The following KIF6 variants were observed in gnomAD, a reference collection of about 807,000 sequenced individuals.
KIF6 encodes kinesin family member 6.
Under a neutral mutation model 112.7 loss-of-function variants are expected in KIF6, and 106 were observed. The observed-to-expected ratio is 0.94, with a 90% CI of 0.80 to 1.11. The LOEUF (loss-of-function observed/expected upper bound fraction) is 1.11. KIF6 is among the 50% of genes least tolerant of loss of function. KIF6 has a pLI of 0.00. For missense variants in KIF6, 929 were observed against 964.0 expected, an observed-to-expected ratio of 0.96 and a Z score of 0.48; for synonymous variants, 339 against 339.9, an observed-to-expected ratio of 1.00 and a Z score of 0.03.
chr6:39,620,358 T>G (rs574045185), intron 5 of KIF6: 3 of 152,188 alleles, frequency 2.0e-5, no homozygotes. Context: ...CCACAAATTA[T>G]GTACTCAAGT....
At chr6:39,519,138 A>G (rs1777234958) in intron 13 of KIF6, among the ~76,000 whole-genome samples, 1 of 152,176 alleles carries the variant, frequency 6.6e-6, no homozygotes, top group Non-Finnish European at 1.5e-5. Flanking sequence ...AGTGGGGGGT[A>G]CCGAGACAGA....
rs111951412 is a variant in KIF6, at chr6:39,553,506, T to C, written c.1182-7818A>G. ...TAAGGCCTATTTATAGGTGCATGTA[T>C]GCATTCATGGCCAGGTACTTCTGTT... On this transcript the variant is annotated intron_variant, in intron 10 of 22. Coordinates refer to ENST00000287152, the MANE Select transcript of KIF6 (RefSeq NM_145027.6). 4.6e-3 allele frequency among the ~76,000 whole-genome samples: 703 copies of C among 152,340 alleles called. 4 individuals carry two copies. Among genetic ancestry groups the C allele is most frequent in the African/African-American group, 0.015 (621 of 41,580 alleles).
At chr6:39,510,913 C>T (rs539320339) in intron 13 of KIF6, among the ~76,000 whole-genome samples, 33 of 146,986 alleles carry the variant, frequency 2.2e-4, no homozygotes, top group Admixed American at 1.0e-3. Context: ...GGTTGCAATC[C>T]TGGTCTCTGG....
intron 13 of KIF6, among the ~76,000 whole-genome samples, chr6:39,531,099 C>T (rs891219323): frequency 1.3e-5 from 2 of 152,092 alleles, no homozygotes; most frequent in African/African-American, 4.8e-5. Context: ...GTGAGCCTAC[C>T]TCTGCTTAAA....
intron 15 of KIF6, among the ~76,000 whole-genome samples, chr6:39,397,414 C>CGTT (rs1768353282): frequency 6.6e-6 from 1 of 151,952 alleles, no homozygotes; most frequent in Non-Finnish European, 1.5e-5. Flanking sequence ...CTTTTGTTTC[C>CGTT]TCTGAGGCTA....
chr6:39,613,737 A>C (rs950327752), intron 5 of KIF6, among the ~76,000 whole-genome samples: 2 of 152,124 alleles, frequency 1.3e-5, no homozygotes, highest in African/African-American at 4.8e-5. Flanking sequence ...ATCACTTTCA[A>C]TTTACATGAC....
chr6:39,375,903 TAG>T (rs1325156944), intron 16 of KIF6, among the ~76,000 whole-genome samples: 3 of 152,338 alleles, frequency 2.0e-5, no homozygotes, highest in Admixed American at 2.0e-4. Flanking sequence ...AGGGCTGACA[TAG>T]AGTCTTCCTC....
At chr6:39,667,039 T>A (rs189404056) in intron 3 of KIF6, among the ~76,000 whole-genome samples, 1 of 152,338 alleles carries the variant, frequency 6.6e-6, no homozygotes, top group East Asian at 1.9e-4. Context: ...CACAGATCTC[T>A]TTCACTGTGT....
Position 39,390,048 on chromosome 6 carries a change from A to AAAAAAAAAAAAAAAAAAG in KIF6, c.1811-4377_1811-4376insCTTTTTTTTTTTTTTTTT, listed in dbSNP as rs1258761315. On this transcript the variant is annotated intron_variant, in intron 15 of 22. Transcript: ENST00000287152. ...TCTGTCTCCAAAAAAAAAAAAAAAAAAAAAGGAAATAATTACAAATCTGGA... is the reference window on the plus strand; with the variant it reads ...TCTGTCTCCAAAAAAAAAAAAAAAAAAAAAAAAAAAAAAAAAAGAAAAGGAAATAATTACAAATCTGGA... Among the ~76,000 whole-genome samples the AAAAAAAAAAAAAAAAAAG allele has an allele frequency of 2.0e-3, 268 of 137,184 alleles. 3 individuals are homozygous for AAAAAAAAAAAAAAAAAAG. Among genetic ancestry groups the AAAAAAAAAAAAAAAAAAG allele is most frequent in the African/African-American group, 5.8e-3 (187 of 32,320 alleles). 90.0% of individuals were successfully genotyped at this position (137,184 alleles called of 152,430 possible).
chr6:39,342,997 G>A lies in KIF6; in HGVS notation c.2428+712C>T. ...ATGTTAAGCCTGCCTAGTAGCCTTT[G>A]GGTTATGGGGAGGAGGCTAAGACAA... On this transcript the variant is annotated intron_variant, in intron 22 of 22. Transcript: ENST00000287152. The surrounding 1 kb of genome is among the most constrained non-coding windows in gnomAD (Gnocchi z 4.7). 2.0e-6 allele frequency: 2 copies of A among 985,440 alleles called. No homozygotes were observed. The highest frequency in any genetic ancestry group is 2.4e-6 in the Non-Finnish European group (2 of 829,934). 61.0% of individuals were successfully genotyped at this position (985,440 alleles called of 1,614,324 possible). A position where few individuals can be genotyped will look rare whatever the true frequency, so the allele number is the denominator to read the frequency against.
intron 20 of KIF6, among the ~76,000 whole-genome samples, chr6:39,346,161 C>T (rs1763788275): frequency 7.1e-6 from 1 of 140,262 alleles, no homozygotes; most frequent in Non-Finnish European, 1.5e-5. Flanking sequence ...CTCTCTCTCT[C>T]TTTCTCTCCT....
At chr6:39,346,083 T>TCC (rs1763722082) in intron 20 of KIF6, among the ~76,000 whole-genome samples, 3 of 24,826 alleles carry the variant, frequency 1.2e-4, no homozygotes, top group African/African-American at 1.7e-4. Flanking sequence ...TCTCTCTCTC[T>TCC]CTCCCCCCCC....
At chr6:39,487,148 T>C (rs1775163625) in intron 13 of KIF6, among the ~76,000 whole-genome samples, 2 of 152,112 alleles carry the variant, frequency 1.3e-5, no homozygotes, top group Admixed American at 1.3e-4. Context: ...AAATAGAAAA[T>C]TAGATTGATT....
At chr6:39,528,016 A>G (rs1334083259) in intron 13 of KIF6, among the ~76,000 whole-genome samples, 1 of 152,168 alleles carries the variant, frequency 6.6e-6, no homozygotes, top group Non-Finnish European at 1.5e-5. Flanking sequence ...TGAAATGTAC[A>G]TTATTTATTA....
intron 15 of KIF6, among the ~76,000 whole-genome samples, chr6:39,409,795 CAG>C (rs1321487416): frequency 6.6e-6 from 1 of 152,162 alleles, no homozygotes; most frequent in Non-Finnish European, 1.5e-5. Context: ...TGGATTTCAA[CAG>C]GGGGACTCAT....
At chr6:39,513,616 C>A (rs1441146165) in intron 13 of KIF6, among the ~76,000 whole-genome samples, 3 of 152,148 alleles carry the variant, frequency 2.0e-5, no homozygotes, top group Non-Finnish European at 4.4e-5. Flanking sequence ...TTTTTAGGAT[C>A]TGGCTAAGGG....
chr6:39,539,062 T>C (rs1367077136), intron 13 of KIF6, among the ~76,000 whole-genome samples: 2 of 108,088 alleles, frequency 1.9e-5, no homozygotes, highest in Non-Finnish European at 3.5e-5. Flanking sequence ...CTCTGGGGAC[T>C]GTTGTGGGGT....
intron 3 of KIF6, among the ~76,000 whole-genome samples, chr6:39,677,236 G>T (rs1330203925): frequency 6.6e-6 from 1 of 151,966 alleles, no homozygotes; most frequent in Non-Finnish European, 1.5e-5. Flanking sequence ...CATTACATAG[G>T]ATAAAAGAGA....
chr6:39,445,964 A>C lies in KIF6; in HGVS notation c.1646-14803T>G, dbSNP rs138141640. Among the ~76,000 whole-genome samples, 776 of 152,348 alleles carry C rather than the reference A, an allele frequency of 5.1e-3. 4 individuals carry two copies. Among genetic ancestry groups the C allele is most frequent in the African/African-American group, 0.017 (721 of 41,580 alleles). ...GTTTGCCCAAGGTATTCCCAGGCAGAGACCCAATGAAGTTTTCCACAGGCT... is the reference window on the plus strand; with the variant it reads ...GTTTGCCCAAGGTATTCCCAGGCAGCGACCCAATGAAGTTTTCCACAGGCT... On this transcript the variant is annotated intron_variant, in intron 13 of 22. Transcript: ENST00000287152.
Sources: gnomAD v4.1 joint callset for allele counts (sites outside exome capture counted in the v4.1 genomes callset) on GRCh38, gnomAD v4.1.1 for gene constraint, Gnocchi (gnomAD v3.1) non-coding constraint, MANE v1.5 for transcripts, NCBI Gene and HGNC (gene_info 2026-07-23, HGNC 2026-07-21) for gene names.